Variants in LRRC28 observed in about 807,000 individuals in gnomAD.
LRRC28 encodes the protein leucine-rich repeat-containing protein 28.
Under a neutral mutation model 45.7 loss-of-function variants are expected in LRRC28, and 39 were observed. That is an observed-to-expected ratio of 0.85 (90% CI 0.66 to 1.12). The LOEUF is 1.12. Among genes scored for constraint, LRRC28 ranks in the 50% most tolerant of loss-of-function variants. The pLI, the probability that LRRC28 is intolerant of heterozygous loss-of-function variation, is 0.00. For missense variants in LRRC28, 435 were observed against 438.5 expected (o/e 0.99, Z 0.07); for synonymous variants, 206 against 178.8 (o/e 1.15, Z -1.22).
intron 5 of LRRC28, among the ~76,000 whole-genome samples, chr15:99,290,267 A>G (rs1206633599): frequency 2.7e-5 from 4 of 150,780 alleles, no homozygotes; most frequent in African/African-American, 9.8e-5. Flanking sequence ...TCAAAAAAAA[A>G]AGAAAAAAAG....
At chr15:99,349,283 AGTCTT>A (rs1956796269) in intron 6 of LRRC28, among the ~76,000 whole-genome samples, 1 of 152,114 alleles carries the variant, frequency 6.6e-6, no homozygotes. Context: ...TTTATCTTCT[AGTCTT>A]AGAGATCTTT....
intron 6 of LRRC28, among the ~76,000 whole-genome samples, chr15:99,335,465 C>G (rs1477312641): frequency 6.6e-6 from 1 of 152,150 alleles, no homozygotes; most frequent in Non-Finnish European, 1.5e-5. Flanking sequence ...TGAGAAGATA[C>G]AACTTGTAGA....
At chr15:99,363,622 G>C (rs1957266553) in intron 9 of LRRC28, among the ~76,000 whole-genome samples, 1 of 152,174 alleles carries the variant, frequency 6.6e-6, no homozygotes, top group Non-Finnish European at 1.5e-5. Context: ...TCTTTTGCTT[G>C]GTTGGTGTTG....
In LRRC28 at chr15:99,390,438, T is replaced by G. The variant is rs1958151915; in HGVS notation, c.*4336T>G. 6.6e-6 allele frequency: 1 copy of G among 152,110 alleles called. No homozygotes were observed. Among genetic ancestry groups the G allele is most frequent in the Admixed American group, 6.5e-5 (1 of 15,276 alleles). The allele number at this position is 152,110 out of a possible 1,614,324, so 9.4% of individuals were successfully genotyped here. ...TTAGCCAGACTTTTTTCCACTCAAG[T>G]GTGGATTATCTTTGCTACCTGTGTT... On this transcript the variant is annotated 3_prime_UTR_variant, in exon 10 of 10. Coordinates refer to ENST00000301981, the MANE Select transcript of LRRC28 (RefSeq NM_144598.5).
chr15:99,281,023 T>A (rs983926456), intron 3 of LRRC28, among the ~76,000 whole-genome samples: 7 of 150,854 alleles, frequency 4.6e-5, no homozygotes, highest in Admixed American at 4.6e-4. Context: ...TTCTCTTTGG[T>A]TACTGTATTT....
intron 2 of LRRC28, among the ~76,000 whole-genome samples, chr15:99,273,253 T>C (rs2152161951): frequency 6.6e-6 from 1 of 152,244 alleles, no homozygotes; most frequent in African/African-American, 2.4e-5. Flanking sequence ...TTTTTGTTTT[T>C]TGAGATGGAG....
chr15:99,252,733 C>T (rs1414339457), intron 1 of LRRC28, among the ~76,000 whole-genome samples: 1 of 152,202 alleles, frequency 6.6e-6, no homozygotes, highest in Non-Finnish European at 1.5e-5. Flanking sequence ...CAATGTTCTT[C>T]CACATGTCAT....
At position 99,387,190 on chromosome 15, in the gene LRRC28, A is replaced by C. The variant is rs1233189090; in HGVS notation, c.*1088A>C. 1 of 143,888 alleles carries C rather than the reference A, an allele frequency of 6.9e-6. No individual in the cohort carries two copies. Among genetic ancestry groups the C allele is most frequent in the African/African-American group, 2.6e-5 (1 of 38,808 alleles). The allele number at this position is 143,888 out of a possible 1,614,324, so 8.9% of individuals were successfully genotyped here. On this transcript the variant is annotated 3_prime_UTR_variant, in exon 10 of 10. Coordinates refer to ENST00000301981, the MANE Select transcript of LRRC28 (RefSeq NM_144598.5). ...ATTCTCCTGCCTCAGCCTCCCAAGT[A>C]GCTGGGACCACAGGCGCCCGCCACC...
intron 9 of LRRC28, among the ~76,000 whole-genome samples, chr15:99,381,377 C>T (rs1376723507): frequency 6.6e-6 from 1 of 152,180 alleles, no homozygotes; most frequent in Non-Finnish European, 1.5e-5. Flanking sequence ...TGTTTTTCAG[C>T]TCCATCAGGT....
chr15:99,280,733 G>T (rs1242308188), intron 3 of LRRC28, among the ~76,000 whole-genome samples: 1 of 151,994 alleles, frequency 6.6e-6, no homozygotes, highest in African/African-American at 2.4e-5. Context: ...GTTTCTTGGG[G>T]TTGTGTCTTA....
chr15:99,378,747 G>T (rs898758347), intron 9 of LRRC28, among the ~76,000 whole-genome samples: 2 of 152,204 alleles, frequency 1.3e-5, no homozygotes, highest in Non-Finnish European at 2.9e-5. Flanking sequence ...TTTTTAGCAT[G>T]AAGGGCTGTT....
chr15:99,255,840 A>G (rs753120061), intron 1 of LRRC28, 58 bp from the exon 2 acceptor site: 4 of 1,107,270 alleles, frequency 3.6e-6, no homozygotes, highest in African/African-American at 1.6e-5. Context: ...TAACTGGTTT[A>G]TATGGCAATT....
intron 9 of LRRC28, among the ~76,000 whole-genome samples, chr15:99,365,139 C>CAAATG (rs534160191): frequency 1.4e-3 from 206 of 152,268 alleles, no homozygotes; most frequent in African/African-American, 4.0e-3. Context: ...GTAGATCCTT[C>CAAATG]AAATCACTTT....
chr15:99,265,829 T>C lies in LRRC28; in HGVS notation c.168+9704T>C, dbSNP rs1349925797. On this transcript the variant is annotated intron_variant, in intron 2 of 9. Coordinates refer to ENST00000301981, the MANE Select transcript of LRRC28 (RefSeq NM_144598.5). ...TACAAGAAAAAAGGCCACAAGAGAC[T>C]TGGAGGAAAACATAAAATCTCAACC... Among the ~76,000 whole-genome samples, 3 of 152,094 alleles carry C rather than the reference T, an allele frequency of 2.0e-5. No homozygotes were observed. In the East Asian group the frequency reaches 5.8e-4, roughly 29 times the overall value.
intron 2 of LRRC28, chr15:99,259,427 A>G (rs1597151388): frequency 1.4e-6 from 2 of 1,379,568 alleles, no homozygotes; most frequent in Non-Finnish European, 2.1e-6. Context: ...TGAGAAAACT[A>G]AGGAGAGTCA....
rs187211527 is a variant in LRRC28 at position 99,379,158 on chromosome 15, G to A, written c.1032-6872G>A. Among the ~76,000 whole-genome samples the A allele has an allele frequency of 4.2e-3, 636 of 152,206 alleles. 13 individuals carry two copies. Among genetic ancestry groups the A allele is most frequent in the Non-Finnish European group, 2.2e-3 (147 of 68,000 alleles). ...TCTGGTAGAATTCAGCTGTGAATTT[G>A]TCTGGTCCTGGACTTTTTTTGGTTG... On this transcript the variant is annotated intron_variant, in intron 9 of 9. Transcript: ENST00000301981.
intron 5 of LRRC28, among the ~76,000 whole-genome samples, chr15:99,324,366 C>T (rs576889568): frequency 5.5e-4 from 83 of 152,208 alleles, no homozygotes; most frequent in African/African-American, 1.9e-3. Flanking sequence ...AGCTAAACCG[C>T]GGATAAAGGG....
chr15:99,280,332 G>A (rs947901855), intron 3 of LRRC28, among the ~76,000 whole-genome samples: 6 of 151,980 alleles, frequency 3.9e-5, no homozygotes, highest in African/African-American at 1.4e-4. Flanking sequence ...GCTTTGATGT[G>A]TCATGCTTTT....
chr15:99,263,154 CAAA>C (rs68042511), intron 2 of LRRC28, among the ~76,000 whole-genome samples: 3 of 133,902 alleles, frequency 2.2e-5, no homozygotes, highest in Non-Finnish European at 4.8e-5. Flanking sequence ...ATAAAAAATA[CAAA>C]AAAAAAAAAA....
Sources: allele counts gnomAD v4.1 joint callset (sites outside exome capture counted in the v4.1 genomes callset), GRCh38; gene constraint gnomAD v4.1.1; transcripts MANE v1.5; gene names NCBI Gene and HGNC (gene_info 2026-07-23, HGNC 2026-07-21).